Variants in PLBD2 observed in about 807,000 individuals in gnomAD.
PLBD2 encodes the protein putative aminopeptidase PLBD2.
A neutral mutation model predicts 68.3 loss-of-function variants in PLBD2; 51 were observed. That is an observed-to-expected ratio of 0.75 (90% confidence interval 0.60 to 0.94). The LOEUF is 0.94. PLBD2 is among the 40% of genes least tolerant of loss of function. The pLI, the probability that PLBD2 is intolerant of heterozygous loss-of-function variation, is 0.00. For synonymous variants in PLBD2, 314 were observed against 339.3 expected (o/e 0.93, Z 0.82); for missense variants, 729 against 792.2 (o/e 0.92, Z 0.96).
intron 4 of PLBD2, 67 bp from the exon 5 acceptor site, chr12:113,374,726 G>A: frequency 6.3e-7 from 1 of 1,577,094 alleles, no homozygotes; most frequent in South Asian, 1.1e-5. Context: ...TTTCTCCTCT[G>A]CAAAATGAGT....
chr12:113,374,398 C>A (rs1006813248), intron 3 of PLBD2, 76 bp from the exon 4 acceptor site: 75 of 1,018,292 alleles, frequency 7.4e-5, no homozygotes, highest in Non-Finnish European at 1.1e-4. Context: ...CAGGCCAGAG[C>A]CCGTCCCGTT....
At chr12:113,362,046 A>G (rs1023381930) in intron 1 of PLBD2, among the ~76,000 whole-genome samples, 5 of 152,312 alleles carry the variant, frequency 3.3e-5, no homozygotes, top group Admixed American at 6.5e-5. Context: ...AATCTATACC[A>G]TCAAGAATGA....
intron 3 of PLBD2, among the ~76,000 whole-genome samples, chr12:113,373,327 A>G (rs1477977236): frequency 3.3e-5 from 5 of 152,228 alleles, no homozygotes; most frequent in Non-Finnish European, 7.3e-5. Flanking sequence ...AAAGTCAGTT[A>G]TTTATGGATT....
Position 113,374,473 on chromosome 12 carries a change from G to A in PLBD2, c.544-1G>A. 1 of 1,590,538 alleles carries A rather than the reference G, an allele frequency of 6.3e-7. No individual in the cohort carries two copies. The highest frequency in any genetic ancestry group is 8.6e-7 in the Non-Finnish European group (1 of 1,168,628). Reference sequence around the variant, plus strand: ...CCCTCTGCCCCCGCCCCCTCCCCTAGGTGCGGCTGACCCTCCTGCAGCTGA... The same window carrying A: ...CCCTCTGCCCCCGCCCCCTCCCCTAAGTGCGGCTGACCCTCCTGCAGCTGA... On this transcript the variant is annotated splice_acceptor_variant, in intron 3 of 11. Transcript: ENST00000280800. LOFTEE classifies it high-confidence loss of function.
At chr12:113,379,102 G>A (rs1481942046) in intron 5 of PLBD2, among the ~76,000 whole-genome samples, 5 of 152,088 alleles carry the variant, frequency 3.3e-5, no homozygotes, top group Admixed American at 2.0e-4. Flanking sequence ...TGAGGTCAGA[G>A]TTCGAGACCA....
intron 11 of PLBD2, 123 bp from the exon 12 acceptor site, chr12:113,388,336 C>CAAA: frequency 5.2e-5 from 42 of 812,658 alleles, no homozygotes; most frequent in South Asian, 1.3e-4. Flanking sequence ...AGCAGAGACT[C>CAAA]AAAAAAAAAA....
At position 113,358,673 on chromosome 12, in the gene PLBD2, C is replaced by G. The variant is rs1364942184; in HGVS notation, c.73C>G (p.Leu25Val). ...RALTRALALA[L>V]VLALLVGPFL... ...GCTGACGCGGGCGCTGGCGCTGGCC[C>G]TGGTGCTGGCCCTGCTGGTCGGGCC... The change falls in exon 1 of 12, where the codon CTG (leucine) becomes GTG (valine). Residue 25 changes from leucine to valine, a missense_variant. Transcript: ENST00000280800. 1 of 1,456,926 alleles carries G rather than the reference C, an allele frequency of 6.9e-7. No individual in the cohort carries two copies. Among genetic ancestry groups the G allele is most frequent in the South Asian group, 1.4e-5 (1 of 73,710 alleles). 90.2% of individuals were successfully genotyped at this position (1,456,926 alleles called of 1,614,324 possible).
chr12:113,361,302 T>A (rs771540854), intron 1 of PLBD2, among the ~76,000 whole-genome samples: 3 of 151,806 alleles, frequency 2.0e-5, no homozygotes, highest in Non-Finnish European at 2.9e-5. Flanking sequence ...CCATAATCCT[T>A]CGTCTTTTTT....
At position 113,384,886 on chromosome 12, in the gene PLBD2, C is replaced by T. The variant is rs368832479; in HGVS notation, c.1154C>T (p.Ala385Val). The T allele has an allele frequency of 1.9e-5, 31 of 1,589,834 alleles. No homozygotes were observed. Among genetic ancestry groups the T allele is most frequent in the East Asian group, 2.3e-5 (1 of 42,924 alleles). ...NNQWMIVDYK[A>V]FIPGGPSPGS... ...CAGTGGATGATCGTGGACTACAAGGCGTTCATCCCGGGTGGGCCCAGCCCC... is the reference window on the plus strand; with the variant it reads ...CAGTGGATGATCGTGGACTACAAGGTGTTCATCCCGGGTGGGCCCAGCCCC... The change falls in exon 8 of 12, where the codon GCG (alanine) becomes GTG (valine). Residue 385 changes from alanine to valine, a missense_variant. Physicochemically the swap from Ala to Val is moderately conservative, Grantham distance 64 (BLOSUM62 0). Coordinates refer to ENST00000280800, the MANE Select transcript of PLBD2 (RefSeq NM_173542.4). The surrounding 1 kb of genome is among the most constrained non-coding windows in gnomAD (Gnocchi z 4.2).
At chr12:113,371,788 T>C (rs1212266750) in intron 2 of PLBD2, among the ~76,000 whole-genome samples, 1 of 152,210 alleles carries the variant, frequency 6.6e-6, no homozygotes, top group African/African-American at 2.4e-5. Context: ...TTTCACAAGG[T>C]CAGCCAGCCA....
Position 113,384,483 on chromosome 12 carries a change from C to T in PLBD2, c.1118+218C>T, listed in dbSNP as rs1379290230. ...AGGAAGGGGTGCCTTGGTGGCAGTACAGGAAGAGCACTTGGAACCTGAAGA... is the reference window on the plus strand; with the variant it reads ...AGGAAGGGGTGCCTTGGTGGCAGTATAGGAAGAGCACTTGGAACCTGAAGA... On this transcript the variant is annotated intron_variant, in intron 7 of 11. Transcript: ENST00000280800. The surrounding 1 kb of genome is among the most constrained non-coding windows in gnomAD (Gnocchi z 4.2). 2.6e-5 allele frequency among the ~76,000 whole-genome samples: 4 copies of T among 152,162 alleles called. No individual in the cohort carries two copies. The highest frequency in any genetic ancestry group is 6.5e-5 in the Admixed American group (1 of 15,270).
rs1317078859 is a variant in PLBD2, at chr12:113,390,620, A to G, written c.*1994A>G. 1.3e-5 allele frequency: 2 copies of G among 151,528 alleles called. No individual in the cohort carries two copies. The highest frequency in any genetic ancestry group is 4.9e-5 in the African/African-American group (2 of 41,092). 9.4% of individuals were successfully genotyped at this position (151,528 alleles called of 1,614,324 possible). ...CATCCATCCAACCTTCCAACCATTT[A>G]TCCACCCATCCAACTATTTCCATCT... On this transcript the variant is annotated 3_prime_UTR_variant, in exon 12 of 12. Coordinates refer to ENST00000280800, the MANE Select transcript of PLBD2 (RefSeq NM_173542.4).
At chr12:113,366,544 A>G (rs1371091162) in intron 1 of PLBD2, among the ~76,000 whole-genome samples, 1 of 144,182 alleles carries the variant, frequency 6.9e-6, no homozygotes, top group Non-Finnish European at 1.5e-5. Context: ...TGGAATGATC[A>G]TAACTTACTG....
chr12:113,374,783 CCCT>C lies in PLBD2; in HGVS notation c.645-5_645-3del. On this transcript the variant is annotated splice_polypyrimidine_tract_variant and splice_region_variant and intron_variant, in intron 4 of 11. Transcript: ENST00000280800. Reference sequence around the variant, plus strand: ...GCGTGGTAACCCTCTGATGCCCTGGCCCTCCTCAGCCTGCTGCAGCTCTCTGGG... The same window carrying C: ...GCGTGGTAACCCTCTGATGCCCTGGCCCTCAGCCTGCTGCAGCTCTCTGGG... 4 of 1,613,468 alleles carry C rather than the reference CCCT, an allele frequency of 2.5e-6. No individual in the cohort carries two copies. Among genetic ancestry groups the C allele is most frequent in the Non-Finnish European group, 3.4e-6 (4 of 1,179,938 alleles).
rs563788606 is a variant in PLBD2, at chr12:113,380,754, C to T, written c.869C>T (p.Pro290Leu). 34 of 1,550,450 alleles carry T rather than the reference C, an allele frequency of 2.2e-5. No individual in the cohort carries two copies. The highest frequency in any genetic ancestry group is 1.7e-4 in the Middle Eastern group (1 of 5,960). ...CGCTCTGCCTGCACAGGGGACTACC[C>T]GCTGGTTCCCGGCAACAAGCTGGTC... ...QFREGPWGDY[P>L]LVPGNKLVFS... The change falls in exon 6 of 12, where the codon CCG becomes CTG. Residue 290 changes from proline (P) to leucine (L), a missense_variant. Transcript: ENST00000280800.
At chr12:113,380,934 A>C in intron 6 of PLBD2, 92 bp downstream of exon 6, 1 of 1,245,892 alleles carries the variant, frequency 8.0e-7, no homozygotes, top group Non-Finnish European at 1.1e-6. Context: ...GCAAGTGGGG[A>C]CCAGGCTGCA....
chr12:113,387,196 A>C, intron 10 of PLBD2, 107 bp downstream of exon 10: 1 of 1,371,166 alleles, frequency 7.3e-7, no homozygotes, highest in Non-Finnish European at 9.7e-7. Context: ...CCAGCCCCAG[A>C]GGGCCAGCAG....
At chr12:113,380,693 C>T (rs1320405386) in intron 5 of PLBD2, 52 bp from the exon 6 acceptor site, 2 of 1,444,716 alleles carry the variant, frequency 1.4e-6, no homozygotes, top group Non-Finnish European at 1.9e-6. Context: ...GGTGCAGGGG[C>T]CTCCACCTGT....
chr12:113,380,285 C>T (rs1462650553), intron 5 of PLBD2, among the ~76,000 whole-genome samples: 2 of 152,074 alleles, frequency 1.3e-5, no homozygotes, highest in Admixed American at 1.3e-4. Flanking sequence ...TATAGGCGCA[C>T]GCCACCACGC....
Sources: allele counts gnomAD v4.1 joint callset (sites outside exome capture counted in the v4.1 genomes callset), GRCh38; gene constraint gnomAD v4.1.1; non-coding constraint Gnocchi (gnomAD v3.1); transcripts MANE v1.5; gene names NCBI Gene and HGNC (gene_info 2026-07-23, HGNC 2026-07-21).